The following LYPD6B variants were observed in gnomAD, a reference collection of about 807,000 sequenced individuals.
LYPD6B encodes LY6/PLAUR domain containing 6B, also known as ly6/PLAUR domain-containing protein 6B.
A neutral mutation model predicts 22.8 loss-of-function variants in LYPD6B; 17 were observed. The ratio of observed to expected loss-of-function variants is 0.75; its 90% CI spans 0.51 to 1.12. The LOEUF is 1.12. LYPD6B is among the 50% of genes most tolerant of loss of function. The pLI is 0.00. For synonymous variants in LYPD6B, 106 were observed against 91.6 expected (o/e 1.16, Z -0.90); for missense variants, 221 against 258.3 (o/e 0.86, Z 0.99).
intron 1 of LYPD6B, among the ~76,000 whole-genome samples, chr2:149,121,367 G>T (rs150884183): frequency 6.6e-6 from 1 of 152,138 alleles, no homozygotes; most frequent in Non-Finnish European, 1.5e-5. Flanking sequence ...GGGATGGTGA[G>T]TGCTTTTTCT....
At chr2:149,122,432 T>TA (rs1687425314) in intron 1 of LYPD6B, among the ~76,000 whole-genome samples, 1 of 152,016 alleles carries the variant, frequency 6.6e-6, no homozygotes, top group South Asian at 2.1e-4. Flanking sequence ...TCTTTTTTTT[T>TA]ATTATACTTT....
At chr2:149,162,187 A>G (rs1012565760) in intron 3 of LYPD6B, among the ~76,000 whole-genome samples, 3 of 152,120 alleles carry the variant, frequency 2.0e-5, no homozygotes, top group Admixed American at 2.0e-4. Flanking sequence ...ATAAAATGTA[A>G]CTCTATTATT....
chr2:149,039,182 G>A, intron 1 of LYPD6B, among the ~76,000 whole-genome samples: 1 of 152,206 alleles, frequency 6.6e-6, no homozygotes, highest in Non-Finnish European at 1.5e-5. Context: ...GCGGAGCTGG[G>A]GCTGGGGTTC....
At chr2:149,120,361 G>GTGTGTGTATATATATA (rs796413041) in intron 1 of LYPD6B, among the ~76,000 whole-genome samples, 1 of 38,758 alleles carries the variant, frequency 2.6e-5, no homozygotes, top group African/African-American at 1.8e-4. Context: ...GTGTGTGTGT[G>GTGTGTGTATATATATA]TATATATATA....
chr2:149,105,204 A>G (rs1486025410), intron 1 of LYPD6B, among the ~76,000 whole-genome samples: 2 of 152,104 alleles, frequency 1.3e-5, no homozygotes, highest in African/African-American at 4.8e-5. Context: ...ATTCTGTTCC[A>G]TGGACCCATG....
intron 1 of LYPD6B, among the ~76,000 whole-genome samples, chr2:149,043,880 A>G (rs1257357033): frequency 6.6e-6 from 1 of 152,078 alleles, no homozygotes; most frequent in Admixed American, 6.5e-5. Context: ...CATTTGTTGA[A>G]ATGACTGTCC....
rs369317807 is a variant in LYPD6B at position 149,213,166 on chromosome 2, G to T, written c.459+44G>T. ...TGTTATTGTCTAAACTTTCATCCTA[G>T]TAATGTAAGTCGTAGATCAAAGGAG... is the stretch of plus-strand genomic sequence containing the variant. On this transcript the variant is annotated intron_variant, in intron 6 of 6. Coordinates refer to ENST00000409642, the MANE Select transcript of LYPD6B (RefSeq NM_177964.5). 4.4e-6 allele frequency: 7 copies of T among 1,607,184 alleles called. No homozygotes were observed. The African/African-American group carries it at 6.7e-5, about 15-fold the overall frequency.
intron 1 of LYPD6B, among the ~76,000 whole-genome samples, chr2:149,063,772 C>T (rs1684199528): frequency 1.3e-5 from 2 of 152,004 alleles, no homozygotes; most frequent in Admixed American, 6.5e-5. Context: ...AAAAAGTAGC[C>T]GGAAACATAA....
At chr2:149,060,444 T>C (rs1684023908) in intron 1 of LYPD6B, among the ~76,000 whole-genome samples, 1 of 152,206 alleles carries the variant, frequency 6.6e-6, no homozygotes, top group African/African-American at 2.4e-5. Context: ...AGGGGACATA[T>C]CATATTTTCT....
chr2:149,068,373 C>A (rs879035065), intron 1 of LYPD6B, among the ~76,000 whole-genome samples: 12 of 152,258 alleles, frequency 7.9e-5, no homozygotes, highest in Non-Finnish European at 1.3e-4. Flanking sequence ...TTGAGAGGAA[C>A]ACAGTTCAGA....
rs144327582 is a variant in LYPD6B at position 149,130,264 on chromosome 2, C to T, written c.-66-619C>T. Among the ~76,000 whole-genome samples the T allele has an allele frequency of 7.9e-5, 12 of 152,204 alleles. No individual in the cohort carries two copies. The East Asian group carries it at 1.2e-3, about 15-fold the overall frequency. ...AAATGGCAAATTTCCAGATGTATGACGTTTTTATTATTCTAGGGGAAAAAG... is the reference window on the plus strand; with the variant it reads ...AAATGGCAAATTTCCAGATGTATGATGTTTTTATTATTCTAGGGGAAAAAG... On this transcript the variant is annotated intron_variant, in intron 1 of 6. Transcript: ENST00000409642.
intron 3 of LYPD6B, among the ~76,000 whole-genome samples, chr2:149,194,069 A>C (rs1391053885): frequency 6.6e-6 from 1 of 152,098 alleles, no homozygotes; most frequent in Non-Finnish European, 1.5e-5. Context: ...AATTTTGGGG[A>C]GGGTGGTGAC....
chr2:149,131,140 C>A (rs1368855871), intron 2 of LYPD6B, 187 bp downstream of exon 2: 1 of 508,002 alleles, frequency 2.0e-6, no homozygotes, highest in Non-Finnish European at 3.5e-6. Context: ...TTCCCCTAAT[C>A]ATATTGACTT....
Position 149,066,407 on chromosome 2 carries a change from A to G in LYPD6B, c.-67+27606A>G, listed in dbSNP as rs186622657. 7.4e-5 allele frequency among the ~76,000 whole-genome samples: 11 copies of G among 148,804 alleles called. No individual in the cohort carries two copies. In the East Asian group the frequency reaches 1.2e-3, roughly 16 times the overall value. ...TGTTGTCACTGTTCAATTCCAACCT[A>G]TGAGTGAGAACATGCAGTGTTTGGT... On this transcript the variant is annotated intron_variant, in intron 1 of 6. Transcript: ENST00000409642.
chr2:149,160,637 C>G, intron 2 of LYPD6B, 127 bp from the exon 3 acceptor site: 1 of 706,218 alleles, frequency 1.4e-6, no homozygotes, highest in Non-Finnish European at 2.5e-6. Context: ...GACTGTATTG[C>G]TGTTCTATTC....
At chr2:149,187,933 G>T (rs1692231040) in intron 3 of LYPD6B, among the ~76,000 whole-genome samples, 1 of 152,144 alleles carries the variant, frequency 6.6e-6, no homozygotes, top group African/African-American at 2.4e-5. Context: ...GAAAATGTAA[G>T]GAAAGAAATG....
intron 2 of LYPD6B, among the ~76,000 whole-genome samples, chr2:149,160,069 G>A (rs900133620): frequency 6.6e-6 from 1 of 151,888 alleles, no homozygotes; most frequent in African/African-American, 2.4e-5. Context: ...TGGGAGGATC[G>A]CTTGAGCCCA....
chr2:149,154,020 T>C (rs1181940049), intron 2 of LYPD6B: 3 of 956,524 alleles, frequency 3.1e-6, no homozygotes, highest in Non-Finnish European at 3.7e-6. Flanking sequence ...AGGAGGATGG[T>C]GATTCTAATA....
intron 1 of LYPD6B, among the ~76,000 whole-genome samples, chr2:149,083,882 C>T (rs1173198199): frequency 1.3e-5 from 2 of 151,954 alleles, no homozygotes; most frequent in African/African-American, 4.8e-5. Context: ...CGAGACCATC[C>T]TGGCTAACAC....
Sources: allele counts gnomAD v4.1 joint callset (sites outside exome capture counted in the v4.1 genomes callset), GRCh38; gene constraint gnomAD v4.1.1; transcripts MANE v1.5; gene names NCBI Gene and HGNC (gene_info 2026-07-23, HGNC 2026-07-21).